The following PSD3 variants were observed in gnomAD, a reference collection of about 807,000 sequenced individuals.
PSD3 encodes the protein PH and SEC7 domain-containing protein 3.
In PSD3, 49 loss-of-function variants were observed where a neutral mutation model predicts 105.5. The ratio of observed to expected loss-of-function variants is 0.46; its 90% confidence interval spans 0.37 to 0.59. The LOEUF is 0.59. Among genes scored for constraint, PSD3 ranks in the 20% least tolerant of loss-of-function variants. PSD3 has a pLI of 0.00. For synonymous variants in PSD3, 557 were observed against 457.8 expected (o/e 1.22, Z -2.77); for missense variants, 1,561 against 1,263.8 (o/e 1.24, Z -3.57).
intron 4 of PSD3, among the ~76,000 whole-genome samples, chr8:18,863,357 T>C (rs1816594363): frequency 6.6e-6 from 1 of 152,084 alleles, no homozygotes. Context: ...AATTATCCTT[T>C]CTAATTTTGG....
At chr8:18,731,011 C>T (rs1181224669) in intron 9 of PSD3, among the ~76,000 whole-genome samples, 2 of 151,290 alleles carry the variant, frequency 1.3e-5, no homozygotes, top group Non-Finnish European at 2.9e-5. Context: ...TCTGTCCTCT[C>T]TAGAAAATTC....
intron 11 of PSD3, among the ~76,000 whole-genome samples, chr8:18,624,992 T>G (rs941613888): frequency 1.3e-5 from 2 of 152,116 alleles, no homozygotes; most frequent in Admixed American, 1.3e-4. Context: ...TGTCTTGGAT[T>G]CCCAAAGTAT....
At chr8:18,791,432 A>T (rs767455760) in intron 8 of PSD3, among the ~76,000 whole-genome samples, 3 of 152,200 alleles carry the variant, frequency 2.0e-5, no homozygotes, top group Middle Eastern at 3.2e-3. Flanking sequence ...CTGCATGCCT[A>T]CAACCATCTG....
At chr8:19,024,263 C>T (rs1307297963) in intron 1 of PSD3, among the ~76,000 whole-genome samples, 2 of 152,160 alleles carry the variant, frequency 1.3e-5, no homozygotes, top group East Asian at 1.9e-4. Context: ...CGTTATTTCA[C>T]GTATAACCTG....
chr8:18,566,768 A>T (rs1229542226), intron 14 of PSD3, among the ~76,000 whole-genome samples: 2 of 151,854 alleles, frequency 1.3e-5, no homozygotes, highest in African/African-American at 4.8e-5. Flanking sequence ...TCAATCCCTA[A>T]TTGTGATTAT....
intron 15 of PSD3, among the ~76,000 whole-genome samples, chr8:18,550,519 A>T (rs1453725795): frequency 1.3e-5 from 2 of 152,190 alleles, no homozygotes; most frequent in African/African-American, 4.8e-5. Flanking sequence ...TAAGTTGAAA[A>T]TATCGTAAGT....
Position 19,013,570 on chromosome 8 carries a change from C to T in PSD3, c.14G>A (p.Ser5Asn), listed in dbSNP as rs1360807777. The change falls in exon 1 of 16, where the codon AGC becomes AAC. Residue 5 changes from serine to asparagine, a missense_variant. Coordinates refer to ENST00000327040, the MANE Select transcript of PSD3 (RefSeq NM_015310.4). Reference sequence around the variant, plus strand: ...CCCGGCCCCGGAGCTCACCGCTGCGCTCCTTCCTTCCATCTTCCATCGCCA... The same window carrying T: ...CCCGGCCCCGGAGCTCACCGCTGCGTTCCTTCCTTCCATCTTCCATCGCCA... MEGR[S>N]AAAETFVWVN... The T allele has an allele frequency of 6.5e-7, 1 of 1,548,614 alleles. No homozygotes were observed. Among genetic ancestry groups the T allele is most frequent in the Non-Finnish European group, 8.6e-7 (1 of 1,156,458 alleles).
At chr8:18,754,134 A>C (rs1805828440) in intron 9 of PSD3, among the ~76,000 whole-genome samples, 1 of 152,172 alleles carries the variant, frequency 6.6e-6, no homozygotes, top group Non-Finnish European at 1.5e-5. Flanking sequence ...CTGTAATCCC[A>C]CCACTTTGGG....
At chr8:18,580,912 C>T (rs1387058258) in intron 12 of PSD3, among the ~76,000 whole-genome samples, 1 of 152,154 alleles carries the variant, frequency 6.6e-6, no homozygotes, top group African/African-American at 2.4e-5. Context: ...TCGCTCTTAA[C>T]CATTCCATCA....
intron 10 of PSD3, 105 bp downstream of exon 10, chr8:18,655,537 G>T: frequency 9.6e-7 from 1 of 1,047,098 alleles, no homozygotes; most frequent in Non-Finnish European, 1.5e-6. Context: ...AATGAGAATT[G>T]GCAATGCATA....
At chr8:18,685,885 C>T (rs1261527942) in intron 9 of PSD3, among the ~76,000 whole-genome samples, 1 of 152,082 alleles carries the variant, frequency 6.6e-6, no homozygotes, top group Non-Finnish European at 1.5e-5. Context: ...GACATGAGCG[C>T]CTGCCTCTGT....
intron 1 of PSD3, among the ~76,000 whole-genome samples, chr8:19,073,504 T>C (rs1307538607): frequency 8.0e-6 from 1 of 125,376 alleles, no homozygotes; most frequent in East Asian, 2.5e-4. Flanking sequence ...TGAGCCGAGA[T>C]CACGACACTG....
intron 12 of PSD3, among the ~76,000 whole-genome samples, chr8:18,599,500 C>T (rs2634461): frequency 6.6e-6 from 1 of 152,030 alleles, no homozygotes; most frequent in African/African-American, 2.4e-5. Context: ...GTCCACTGAA[C>T]GATGAATAAA....
chr8:18,882,498 C>G (rs1818170617), intron 2 of PSD3, among the ~76,000 whole-genome samples: 1 of 152,144 alleles, frequency 6.6e-6, no homozygotes, highest in Non-Finnish European at 1.5e-5. Flanking sequence ...AGCTTACAAT[C>G]CAGCAGCTCC....
intron 8 of PSD3, among the ~76,000 whole-genome samples, chr8:18,782,653 T>C (rs1808753253): frequency 6.6e-6 from 1 of 152,158 alleles, no homozygotes; most frequent in African/African-American, 2.4e-5. Context: ...TTCAAGTGGA[T>C]TGTCTGTGTG....
intron 2 of PSD3, among the ~76,000 whole-genome samples, chr8:18,900,261 A>T (rs1246931145): frequency 6.6e-6 from 1 of 152,172 alleles, no homozygotes; most frequent in South Asian, 2.1e-4. Context: ...TTCTTAAATC[A>T]TTGTAGAGTC....
chr8:18,652,517 A>ATTTTTTTTTTTT (rs1808584465), intron 10 of PSD3, among the ~76,000 whole-genome samples: 1 of 24,086 alleles, frequency 4.2e-5, no homozygotes. Context: ...TTTTTTTTTG[A>ATTTTTTTTTTTT]GACCAAGTCT....
chr8:19,047,856 G>A (rs558700282), intron 1 of PSD3, among the ~76,000 whole-genome samples: 3 of 152,242 alleles, frequency 2.0e-5, no homozygotes, highest in African/African-American at 7.2e-5. Context: ...CAGTGGCCAG[G>A]TGGGCCTCTT....
chr8:18,578,263 T>G (rs1217904360), intron 12 of PSD3, among the ~76,000 whole-genome samples: 2 of 152,102 alleles, frequency 1.3e-5, no homozygotes, highest in Non-Finnish European at 2.9e-5. Flanking sequence ...CCACCCTTAT[T>G]CTCCCTTATG....
Sources: allele counts gnomAD v4.1 joint callset (sites outside exome capture counted in the v4.1 genomes callset), GRCh38; gene constraint gnomAD v4.1.1; transcripts MANE v1.5; gene names NCBI Gene and HGNC (gene_info 2026-07-23, HGNC 2026-07-21).